RNF38: variants seen among roughly 807,000 people sequenced by gnomAD.
RNF38 encodes the protein ring finger protein 38, also known as E3 ubiquitin-protein ligase RNF38.
A neutral mutation model predicts 67.2 loss-of-function variants in RNF38; 15 were observed. That is an observed-to-expected ratio of 0.22 (90% CI 0.15 to 0.34). RNF38 has a LOEUF of 0.34. Ranked by LOEUF, RNF38 falls within the 10% of genes least tolerant of loss-of-function variation. The probability of loss-of-function intolerance (pLI) is 1.00; values close to 1 mark genes in which losing one functional copy is unlikely to be tolerated. For missense variants in RNF38, 524 were observed against 639.9 expected (o/e 0.82, Z 1.95); for synonymous variants, 220 against 218.8 (o/e 1.01, Z -0.05).
intron 4 of RNF38, 59 bp from the exon 5 acceptor site, chr9:36,358,001 C>G: frequency 7.0e-7 from 1 of 1,420,338 alleles, no homozygotes; most frequent in Non-Finnish European, 9.8e-7. Context: ...GTTAACTATT[C>G]AAAATCAACA....
At chr9:36,341,691 G>C (rs1832844196) in intron 11 of RNF38, among the ~76,000 whole-genome samples, 1 of 151,848 alleles carries the variant, frequency 6.6e-6, no homozygotes, top group East Asian at 1.9e-4. Context: ...GGGCAACATA[G>C]TGACACCCAG....
intron 9 of RNF38, among the ~76,000 whole-genome samples, chr9:36,345,359 A>G (rs1399232640): frequency 1.3e-5 from 2 of 152,214 alleles, no homozygotes; most frequent in East Asian, 3.8e-4. Flanking sequence ...GAAAGATGGT[A>G]TCATTTCATT....
rs374751335 is a variant in RNF38 at position 36,349,422 on chromosome 9, T to G, written c.1263+1693A>C. On this transcript the variant is annotated intron_variant, in intron 9 of 11. Transcript: ENST00000259605. ...TATACCTGGTTGGACATTTTGTGTC[T>G]TCTTTGAGAAATGTCTATTCAGGTC... 1.2e-4 allele frequency among the ~76,000 whole-genome samples: 19 copies of G among 152,366 alleles called. No individual in the cohort carries two copies. The East Asian group carries it at 1.9e-3, about 15-fold the overall frequency.
intron 2 of RNF38, among the ~76,000 whole-genome samples, chr9:36,385,368 G>A (rs575840903): frequency 2.0e-5 from 3 of 149,040 alleles, no homozygotes; most frequent in Non-Finnish European, 4.4e-5. Flanking sequence ...CTGCTGGTCT[G>A]ATCCACTACA....
intron 1 of RNF38, among the ~76,000 whole-genome samples, chr9:36,454,873 T>TG (rs1839548378): frequency 6.6e-6 from 1 of 152,154 alleles, no homozygotes; most frequent in African/African-American, 2.4e-5. Context: ...CGTGAGCCAC[T>TG]GCACCCGACC....
At chr9:36,355,032 G>A (rs991637207) in intron 6 of RNF38, among the ~76,000 whole-genome samples, 1 of 152,176 alleles carries the variant, frequency 6.6e-6, no homozygotes, top group Non-Finnish European at 1.5e-5. Flanking sequence ...CCCAGATACT[G>A]GAAGCTGAGA....
At chr9:36,408,266 ATTTTTTT>A (rs35564069) in intron 2 of RNF38, among the ~76,000 whole-genome samples, 16 of 134,718 alleles carry the variant, frequency 1.2e-4, no homozygotes, top group Admixed American at 6.7e-4. Flanking sequence ...AACAGACTTA[ATTTTTTT>A]TTTTTTTTTT....
At position 36,339,744 on chromosome 9, in the gene RNF38, T is replaced by C; in HGVS notation, c.*8A>G. 1 of 1,611,094 alleles carries C rather than the reference T, an allele frequency of 6.2e-7. No homozygotes were observed. The highest frequency in any genetic ancestry group is 8.5e-7 in the Non-Finnish European group (1 of 1,177,786). On this transcript the variant is annotated 3_prime_UTR_variant, in exon 12 of 12. Coordinates refer to ENST00000259605, the MANE Select transcript of RNF38 (RefSeq NM_022781.5). ...ACACCCAAACTAAATTTGTGCTTCT[T>C]AGGTTGGTCATTCTGAATCCCGATG...
intron 2 of RNF38, among the ~76,000 whole-genome samples, chr9:36,415,646 T>C (rs1000143052): frequency 1.3e-5 from 2 of 152,150 alleles, no homozygotes; most frequent in Non-Finnish European, 2.9e-5. Context: ...CTGGGGAGTG[T>C]CTGCAAAGAG....
At chr9:36,347,120 CGGGGGGGGGGGGGGGGGGG>C (rs530431645) in intron 9 of RNF38, among the ~76,000 whole-genome samples, 18 of 51,428 alleles carry the variant, frequency 3.5e-4, no homozygotes, top group African/African-American at 1.4e-3. Flanking sequence ...GACTCCATCT[CGGGGGGGGGGGGGGGGGGG>C]GGGGGGGGGG....
rs573464296 is a variant in RNF38, at chr9:36,372,975, G to A, written c.356+2959C>T. Among the ~76,000 whole-genome samples the A allele has an allele frequency of 3.9e-5, 6 of 152,316 alleles. 1 individual carries two copies. The South Asian group carries it at 1.2e-3, about 32-fold the overall frequency. On this transcript the variant is annotated intron_variant, in intron 3 of 11. Coordinates refer to ENST00000259605, the MANE Select transcript of RNF38 (RefSeq NM_022781.5). ...AATCCCAGCACTTTGGGAGGCCGAG[G>A]TGGATGGATCACCTGAGGTCAGGAG... is the stretch of plus-strand genomic sequence containing the variant.
At chr9:36,456,427 A>G (rs1839597097) in intron 1 of RNF38, among the ~76,000 whole-genome samples, 1 of 152,364 alleles carries the variant, frequency 6.6e-6, no homozygotes. Context: ...TCTGTGTGTT[A>G]TAAGTCACTA....
Position 36,344,937 on chromosome 9 carries a change from G to C in RNF38, c.1280C>G (p.Ala427Gly). Reference protein sequence around the residue: ...VENYEALLNLAERLGEAKPRG... With the variant: ...VENYEALLNLGERLGEAKPRG... Reference sequence around the variant, plus strand: ...AGGCTTTGCCTCTCCCAGTCGCTCTGCCAGGTTTAACAGGGCCTGCAGCGG... The same window carrying C: ...AGGCTTTGCCTCTCCCAGTCGCTCTCCCAGGTTTAACAGGGCCTGCAGCGG... The change falls in exon 10 of 12, where the codon GCA becomes GGA. Residue 427 changes from alanine to glycine, a missense_variant. By Grantham distance (60) the Ala-to-Gly change is moderately conservative. Around this residue, in one of 2 missense-constraint regions of RNF38, gnomAD observed 63 missense variants for 122.5 expected, o/e 0.51. Coordinates refer to ENST00000259605, the MANE Select transcript of RNF38 (RefSeq NM_022781.5). 1.2e-6 allele frequency: 2 copies of C among 1,613,354 alleles called. No homozygotes were observed. The highest frequency in any genetic ancestry group is 1.7e-5 in the Admixed American group (1 of 59,980).
At chr9:36,362,892 A>AC (rs1323501490) in intron 4 of RNF38, among the ~76,000 whole-genome samples, 2 of 144,252 alleles carry the variant, frequency 1.4e-5, no homozygotes, top group Non-Finnish European at 3.1e-5. Context: ...TCGGCCTCCC[A>AC]AAGTGCTGGG....
chr9:36,429,141 TCTAA>T (rs1488967350), intron 1 of RNF38, among the ~76,000 whole-genome samples: 3 of 152,208 alleles, frequency 2.0e-5, no homozygotes, highest in East Asian at 1.9e-4. Context: ...ACCCGTATGC[TCTAA>T]CTTTTAAATA....
chr9:36,437,559 A>T (rs7857148), intron 1 of RNF38, among the ~76,000 whole-genome samples: 108,766 of 148,728 alleles, frequency 0.73, 39,614 homozygotes, highest in African/African-American at 0.74. Context: ...AAGGTTGAAA[A>T]AAAAAAAAAA....
chr9:36,481,008 TTCTC>T (rs1287982154), intron 1 of RNF38, among the ~76,000 whole-genome samples: 24 of 151,204 alleles, frequency 1.6e-4, no homozygotes, highest in African/African-American at 4.6e-4. Flanking sequence ...GCTTTTTTTC[TTCTC>T]TTTCTTTTTT....
chr9:36,468,311 T>A lies in RNF38; in HGVS notation n.241+18997A>T, dbSNP rs143005152. Among the ~76,000 whole-genome samples, 1,184 of 151,370 alleles carry A rather than the reference T, an allele frequency of 7.8e-3. 15 individuals are homozygous for A. Among genetic ancestry groups the A allele is most frequent in the African/African-American group, 0.027 (1,125 of 41,216 alleles). On this transcript the variant is annotated intron_variant and non_coding_transcript_variant, in intron 1 of 3. Coordinates refer to the RNF38 transcript ENST00000488058. Reference sequence around the variant, plus strand: ...GCCAAAGAAGATAGGAGACAGAGATTACCAGAACGCAGAATCCAGGTATAT... The same window carrying A: ...GCCAAAGAAGATAGGAGACAGAGATAACCAGAACGCAGAATCCAGGTATAT...
chr9:36,458,533 C>T (rs1839647232), intron 1 of RNF38, among the ~76,000 whole-genome samples: 1 of 152,168 alleles, frequency 6.6e-6, no homozygotes, highest in African/African-American at 2.4e-5. Context: ...AGCGAGACCA[C>T]AAACCCACCG....
Sources: gnomAD v4.1 joint callset for allele counts (sites outside exome capture counted in the v4.1 genomes callset) on GRCh38, gnomAD v4.1.1 for gene constraint, gnomAD v4.1.1 regional missense constraint, MANE v1.5 for transcripts, NCBI Gene and HGNC (gene_info 2026-07-23, HGNC 2026-07-21) for gene names.